The following IFT81 variants were observed in gnomAD, a reference collection of about 807,000 sequenced individuals.
The protein encoded by IFT81 is intraflagellar transport protein 81 homolog.
IFT81 carries 72 observed loss-of-function variants against 102.6 expected under a neutral mutation model. The ratio of observed to expected loss-of-function variants is 0.70; its 90% confidence interval spans 0.58 to 0.85. The LOEUF (loss-of-function observed/expected upper bound fraction) is 0.85, where lower values mean the gene tolerates loss of function less well. Among genes scored for constraint, IFT81 ranks in the 40% least tolerant of loss-of-function variants. The probability of loss-of-function intolerance (pLI) is 0.00; values close to 1 mark genes in which losing one functional copy is unlikely to be tolerated. For synonymous variants in IFT81, 237 were observed against 242.7 expected (o/e 0.98, Z 0.22); for missense variants, 723 against 787.3 (o/e 0.92, Z 0.98).
intron 12 of IFT81, among the ~76,000 whole-genome samples, chr12:110,184,596 G>A (rs532274010): frequency 4.6e-4 from 70 of 152,310 alleles, no homozygotes; most frequent in Non-Finnish European, 8.5e-4. Flanking sequence ...CTTATGAAGG[G>A]TAAAGGGAAG....
At chr12:110,189,543 T>G (rs985469411) in intron 12 of IFT81, among the ~76,000 whole-genome samples, 2 of 152,014 alleles carry the variant, frequency 1.3e-5, no homozygotes, top group Non-Finnish European at 2.9e-5. Flanking sequence ...GAGACAAGGT[T>G]TCGCCATGTT....
chr12:110,208,087 GC>G (rs1396152905), intron 17 of IFT81, among the ~76,000 whole-genome samples: 1 of 152,060 alleles, frequency 6.6e-6, no homozygotes, highest in Non-Finnish European at 1.5e-5. Context: ...TGTACATTAA[GC>G]CATATTCTTT....
rs544392672 is a variant in IFT81, at chr12:110,150,656, AC to A, written c.1041+3609del. 6.9e-3 allele frequency among the ~76,000 whole-genome samples: 1,045 copies of A among 152,300 alleles called. 1 individual carries two copies. Among genetic ancestry groups the A allele is most frequent in the Non-Finnish European group, 9.5e-3 (643 of 68,026 alleles). On this transcript the variant is annotated intron_variant, in intron 10 of 18. Coordinates refer to ENST00000242591, the MANE Select transcript of IFT81 (RefSeq NM_014055.4). ...TTTATCATTTTTATAATATTAATCC[AC>A]ATTTTACACACAACAGTCTCAGAAT...
At position 110,143,539 on chromosome 12, in the gene IFT81, A is replaced by G; in HGVS notation, c.939A>G (p.Glu313=). The part of the protein sequence containing the change: ...AMGHSDLLEL[E]SKINEINTEI... ...GCCATTCTGATCTTCTTGAACTTGA[A>G]TCTAAAGTAAGTGAGAATCATCTTT... Residue 313 remains glutamate, a synonymous_variant, in exon 9 of 19, where the codon GAA becomes GAG. Transcript: ENST00000242591. 7.1e-6 allele frequency: 11 copies of G among 1,543,314 alleles called. No individual in the cohort carries two copies. The highest frequency in any genetic ancestry group is 9.5e-6 in the Non-Finnish European group (11 of 1,156,872).
At chr12:110,139,873 TAAA>T (rs1316233963) in intron 8 of IFT81, among the ~76,000 whole-genome samples, 57 of 136,082 alleles carry the variant, frequency 4.2e-4, no homozygotes, top group African/African-American at 1.4e-3. Flanking sequence ...AAATATAAAA[TAAA>T]ATAAAATAAA....
intron 10 of IFT81, among the ~76,000 whole-genome samples, chr12:110,162,698 T>C (rs1253873113): frequency 6.6e-6 from 1 of 152,154 alleles, no homozygotes; most frequent in African/African-American, 2.4e-5. Flanking sequence ...TTCAGAGCTT[T>C]GTCTTCCAAA....
intron 12 of IFT81, among the ~76,000 whole-genome samples, chr12:110,182,128 T>G (rs1897331061): frequency 6.6e-6 from 1 of 152,154 alleles, no homozygotes; most frequent in Admixed American, 6.6e-5. Flanking sequence ...TATGAGCTAT[T>G]TAGCAGTCAA....
At chr12:110,188,521 T>A (rs930705651) in intron 12 of IFT81, among the ~76,000 whole-genome samples, 2 of 151,844 alleles carry the variant, frequency 1.3e-5, no homozygotes, top group African/African-American at 4.8e-5. Flanking sequence ...CAGGCCAGAA[T>A]CTTAACTCTT....
At chr12:110,193,941 G>A (rs1897899026) in intron 14 of IFT81, among the ~76,000 whole-genome samples, 1 of 152,152 alleles carries the variant, frequency 6.6e-6, no homozygotes, top group African/African-American at 2.4e-5. Flanking sequence ...CAGGAAGCAT[G>A]ATGCAGGCAT....
chr12:110,156,848 C>A (rs1017990761), intron 10 of IFT81, among the ~76,000 whole-genome samples: 1 of 152,110 alleles, frequency 6.6e-6, no homozygotes, highest in Non-Finnish European at 1.5e-5. Context: ...TCTTGGTTGA[C>A]AATTCTTTCT....
intron 9 of IFT81, 44 bp downstream of exon 9, chr12:110,143,589 C>T (rs1566114033): frequency 2.8e-6 from 4 of 1,435,060 alleles, no homozygotes; most frequent in East Asian, 2.5e-5. Context: ...TTTATCTGAT[C>T]CCCAGTCCTA....
At chr12:110,132,509 T>C in intron 4 of IFT81, 38 bp from the exon 5 acceptor site, 1 of 837,038 alleles carries the variant, frequency 1.2e-6, no homozygotes, top group Middle Eastern at 2.4e-4. Flanking sequence ...CTACTGGATC[T>C]AGTTATTAGT....
At chr12:110,217,462 A>G (rs1870278577) in intron 18 of IFT81, among the ~76,000 whole-genome samples, 1 of 152,262 alleles carries the variant, frequency 6.6e-6, no homozygotes, top group Non-Finnish European at 1.5e-5. Flanking sequence ...CAAACTCTAC[A>G]TTCTTCTTTT....
At chr12:110,129,693 T>C (rs752529109) in intron 4 of IFT81, among the ~76,000 whole-genome samples, 120 of 152,136 alleles carry the variant, frequency 7.9e-4, no homozygotes, top group Non-Finnish European at 4.1e-4. Flanking sequence ...TGGAGTAACA[T>C]TGGGCTCTGG....
chr12:110,159,651 TC>T (rs896574239), intron 10 of IFT81, among the ~76,000 whole-genome samples: 35 of 152,160 alleles, frequency 2.3e-4, no homozygotes, highest in African/African-American at 8.4e-4. Context: ...AGAAGTCACT[TC>T]AGTAAGAGGG....
chr12:110,179,545 A>T (rs1897196401), intron 11 of IFT81, among the ~76,000 whole-genome samples: 1 of 151,146 alleles, frequency 6.6e-6, no homozygotes, highest in African/African-American at 2.4e-5. Flanking sequence ...AACATAGGGA[A>T]ACCCCATCTT....
intron 14 of IFT81, among the ~76,000 whole-genome samples, chr12:110,195,232 T>C (rs550763377): frequency 1.3e-5 from 2 of 152,288 alleles, no homozygotes; most frequent in East Asian, 3.9e-4. Context: ...CCCTCATGTG[T>C]GTGTGTTCTG....
At chr12:110,158,294 G>A (rs762842361) in intron 10 of IFT81, among the ~76,000 whole-genome samples, 7 of 152,092 alleles carry the variant, frequency 4.6e-5, no homozygotes, top group Admixed American at 2.6e-4. Context: ...TGGCCAGACT[G>A]GTCTTGGAAC....
chr12:110,176,144 C>A (rs1460517883), intron 11 of IFT81, among the ~76,000 whole-genome samples: 1 of 152,064 alleles, frequency 6.6e-6, no homozygotes, highest in African/African-American at 2.4e-5. Context: ...CATTGCATAT[C>A]CTTGGCCATT....
Sources: allele counts gnomAD v4.1 joint callset (sites outside exome capture counted in the v4.1 genomes callset), GRCh38; gene constraint gnomAD v4.1.1; transcripts MANE v1.5; gene names NCBI Gene and HGNC (gene_info 2026-07-23, HGNC 2026-07-21).